Variants in CCDC148 observed in about 807,000 individuals in gnomAD.
The protein encoded by CCDC148 is coiled-coil domain-containing protein 148.
A neutral mutation model predicts 85.7 loss-of-function variants in CCDC148; 89 were observed. That is an observed-to-expected ratio of 1.04 (90% CI 0.87 to 1.24). The LOEUF is 1.24. Among genes scored for constraint, CCDC148 ranks in the 50% most tolerant of loss-of-function variants. CCDC148 has a pLI of 0.00. For missense variants in CCDC148, 692 were observed against 671.7 expected, an observed-to-expected ratio of 1.03 and a Z score of -0.33; for synonymous variants, 230 against 213.9, an observed-to-expected ratio of 1.08 and a Z score of -0.66.
chr2:158,233,469 A>T (rs893851688), intron 10 of CCDC148, among the ~76,000 whole-genome samples: 1 of 151,276 alleles, frequency 6.6e-6, no homozygotes, highest in African/African-American at 2.4e-5. Context: ...AGCATGCCTT[A>T]TACTATCATG....
chr2:158,201,644 A>G (rs1165414990), intron 11 of CCDC148, among the ~76,000 whole-genome samples: 1 of 152,128 alleles, frequency 6.6e-6, no homozygotes, highest in Non-Finnish European at 1.5e-5. Context: ...ACTCCAGAAC[A>G]TAAGCAATCC....
At chr2:158,404,356 C>T (rs1473257061) in intron 1 of CCDC148, among the ~76,000 whole-genome samples, 1 of 151,964 alleles carries the variant, frequency 6.6e-6, no homozygotes, top group East Asian at 1.9e-4. Context: ...AATACAAAAT[C>T]ATATTAGTAA....
chr2:158,386,132 G>A (rs1685077647), intron 1 of CCDC148, among the ~76,000 whole-genome samples: 1 of 152,024 alleles, frequency 6.6e-6, no homozygotes, highest in Non-Finnish European at 1.5e-5. Context: ...GGCAGTGCGG[G>A]GAGTTGATGC....
At chr2:158,314,028 A>T (rs1462278923) in intron 7 of CCDC148, 134 bp from the exon 8 acceptor site, 2 of 738,868 alleles carry the variant, frequency 2.7e-6, no homozygotes, top group African/African-American at 3.6e-5. Context: ...TACATTAGCC[A>T]AATTTAATGT....
At chr2:158,328,104 T>C (rs1002982603) in intron 7 of CCDC148, among the ~76,000 whole-genome samples, 25 of 152,122 alleles carry the variant, frequency 1.6e-4, no homozygotes, top group African/African-American at 6.0e-4. Flanking sequence ...AATGTTGGTG[T>C]ACTGCACCCA....
intron 2 of CCDC148, among the ~76,000 whole-genome samples, chr2:158,357,260 A>T (rs1015899664): frequency 6.6e-6 from 1 of 151,814 alleles, no homozygotes; most frequent in East Asian, 1.9e-4. Context: ...ACAAAAAAAA[A>T]TAACATAGCC....
intron 1 of CCDC148, among the ~76,000 whole-genome samples, chr2:158,437,278 C>T (rs1160976326): frequency 2.0e-5 from 3 of 152,172 alleles, no homozygotes; most frequent in East Asian, 1.9e-4. Flanking sequence ...GCTTATCCAC[C>T]ATGATCAAGT....
chr2:158,406,629 T>TTTTGTTTTTGTTTTTG (rs1686029859), intron 1 of CCDC148, among the ~76,000 whole-genome samples: 4 of 117,490 alleles, frequency 3.4e-5, no homozygotes, highest in African/African-American at 9.4e-5. Flanking sequence ...TTTTTTTTTT[T>TTTTGTTTTTGTTTTTG]TTTTTTTTTT....
chr2:158,178,393 T>G (rs1296178259), intron 12 of CCDC148, among the ~76,000 whole-genome samples: 2 of 152,166 alleles, frequency 1.3e-5, no homozygotes, highest in Non-Finnish European at 2.9e-5. Context: ...TTGCTTACTT[T>G]CACTAGGCAA....
chr2:158,252,768 C>A (rs554555439), intron 9 of CCDC148, among the ~76,000 whole-genome samples: 42 of 151,866 alleles, frequency 2.8e-4, no homozygotes, highest in African/African-American at 9.1e-4. Flanking sequence ...ATGTGCTTAT[C>A]CCCTTCTAGG....
chr2:158,440,662 C>G (rs181002192), intron 1 of CCDC148, among the ~76,000 whole-genome samples: 18 of 152,260 alleles, frequency 1.2e-4, no homozygotes, highest in Admixed American at 1.0e-3. Context: ...TAGCAACGTA[C>G]TATAATAAAA....
At chr2:158,302,534 C>T (rs1691492453) in intron 9 of CCDC148, among the ~76,000 whole-genome samples, 1 of 152,050 alleles carries the variant, frequency 6.6e-6, no homozygotes, top group African/African-American at 2.4e-5. Flanking sequence ...ACTGGTAATC[C>T]CAGGACTTTG....
intron 11 of CCDC148, among the ~76,000 whole-genome samples, chr2:158,180,173 G>A (rs752780436): frequency 2.6e-5 from 4 of 152,086 alleles, no homozygotes; most frequent in Non-Finnish European, 4.4e-5. Flanking sequence ...CCCTTAGTGT[G>A]CACACCTGCA....
chr2:158,226,710 G>A (rs28853307), intron 10 of CCDC148, among the ~76,000 whole-genome samples: 63,795 of 151,898 alleles, frequency 0.42, 13,765 homozygotes, highest in South Asian at 0.6. Context: ...AAAACCACAT[G>A]ATTATCTCAA....
At chr2:158,401,827 G>A (rs1019268745) in intron 1 of CCDC148, among the ~76,000 whole-genome samples, 19 of 151,926 alleles carry the variant, frequency 1.3e-4, no homozygotes, top group Non-Finnish European at 2.8e-4. Context: ...GAGATTACGG[G>A]GAGAACATAT....
In CCDC148 at chr2:158,431,702, G is replaced by A. The variant is rs532108401; in HGVS notation, c.25+24713C>T. The stretch of plus-strand genomic sequence containing the variant: ...CCTATAACCCCAGCACTTTAGGTAG[G>A]TCAAGGCAGGCAGATCACTTGAGGT... On this transcript the variant is annotated intron_variant, in intron 1 of 13. Transcript: ENST00000283233. Among the ~76,000 whole-genome samples, 25 of 152,264 alleles carry A rather than the reference G, an allele frequency of 1.6e-4. No homozygotes were observed. The East Asian group carries it at 4.8e-3, about 29-fold the overall frequency.
intron 9 of CCDC148, among the ~76,000 whole-genome samples, chr2:158,306,951 G>A (rs1450278958): frequency 1.0e-4 from 15 of 150,636 alleles, no homozygotes; most frequent in East Asian, 3.9e-4. Flanking sequence ...CCCGGGAGGC[G>A]CAGCTTGCAG....
rs555883817 is a variant in CCDC148, at chr2:158,284,975, T to G, written c.1110+24458A>C. On this transcript the variant is annotated intron_variant, in intron 9 of 13. Transcript: ENST00000283233. ...AATAAGCAAATATCAATTCCAAAACTGATAACTGATATTAAGAATTCAGTG... is the reference window on the plus strand; with the variant it reads ...AATAAGCAAATATCAATTCCAAAACGGATAACTGATATTAAGAATTCAGTG... Among the ~76,000 whole-genome samples the G allele has an allele frequency of 7.2e-5, 11 of 152,268 alleles. No individual in the cohort carries two copies. In the East Asian group the frequency reaches 2.1e-3, roughly 29 times the overall value.
intron 8 of CCDC148, among the ~76,000 whole-genome samples, chr2:158,311,765 A>G (rs1162928301): frequency 6.6e-6 from 1 of 152,210 alleles, no homozygotes; most frequent in African/African-American, 2.4e-5. Flanking sequence ...TGAAACATTC[A>G]GATGTTAGGA....
Sources: allele counts gnomAD v4.1 joint callset (sites outside exome capture counted in the v4.1 genomes callset), GRCh38; gene constraint gnomAD v4.1.1; transcripts MANE v1.5; gene names NCBI Gene and HGNC (gene_info 2026-07-23, HGNC 2026-07-21).